DDAH1: variants seen among roughly 807,000 people sequenced by gnomAD.
DDAH1 encodes the protein N(G),N(G)-dimethylarginine dimethylaminohydrolase 1.
A neutral mutation model predicts 28.8 loss-of-function variants in DDAH1; 19 were observed. That is an observed-to-expected ratio of 0.66 (90% confidence interval 0.46 to 0.97). The LOEUF (loss-of-function observed/expected upper bound fraction) is 0.97. Ranked by LOEUF, DDAH1 falls within the 50% of genes least tolerant of loss-of-function variation. DDAH1 has a pLI of 0.00. For synonymous variants in DDAH1, 153 were observed against 154.4 expected (o/e 0.99, Z 0.07); for missense variants, 326 against 375.9 (o/e 0.87, Z 1.10).
intron 1 of DDAH1, among the ~76,000 whole-genome samples, chr1:85,496,890 C>T (rs191426476): frequency 5.3e-5 from 8 of 152,266 alleles, no homozygotes; most frequent in Admixed American, 4.6e-4. Context: ...TCATTCAGCA[C>T]GAACACTAAT....
At chr1:85,442,032 C>CT (rs977189983) in intron 1 of DDAH1, among the ~76,000 whole-genome samples, 72 of 146,604 alleles carry the variant, frequency 4.9e-4, no homozygotes, top group Admixed American at 6.8e-4. Flanking sequence ...AAGCCACAAA[C>CT]TTTTTTTTTT....
At chr1:85,501,018 A>G (rs1224812676) in intron 1 of DDAH1, among the ~76,000 whole-genome samples, 1 of 152,168 alleles carries the variant, frequency 6.6e-6, no homozygotes, top group Non-Finnish European at 1.5e-5. Context: ...GAGTTGTTTT[A>G]AAGCCTTTGC....
At position 85,401,067 on chromosome 1, in the gene DDAH1, C is replaced by T. The variant is rs540877012; in HGVS notation, c.304-42220G>A. 2.4e-4 allele frequency among the ~76,000 whole-genome samples: 37 copies of T among 152,244 alleles called. 1 individual carries two copies. In the South Asian group the frequency reaches 6.0e-3, roughly 25 times the overall value. On this transcript the variant is annotated intron_variant, in intron 1 of 5. Transcript: ENST00000284031. ...AGGGTTTCTAAAGCTTTATATAATA[C>T]GAGAACATTGGGCTAAAGAGTGAAC...
intron 1 of DDAH1, among the ~76,000 whole-genome samples, chr1:85,546,263 A>T (rs924374085): frequency 6.6e-6 from 1 of 152,104 alleles, no homozygotes; most frequent in African/African-American, 2.4e-5. Context: ...CTCAGGAGTT[A>T]TCTTGGGAGT....
chr1:85,426,018 T>C (rs1296131485), intron 1 of DDAH1, among the ~76,000 whole-genome samples: 1 of 152,192 alleles, frequency 6.6e-6, no homozygotes, highest in Non-Finnish European at 1.5e-5. Flanking sequence ...ATTACGTTCA[T>C]TACTAACAGG....
intron 1 of DDAH1, among the ~76,000 whole-genome samples, chr1:85,461,101 G>A (rs1181499260): frequency 1.3e-5 from 2 of 152,088 alleles, no homozygotes; most frequent in Non-Finnish European, 2.9e-5. Flanking sequence ...GTGACAGAGT[G>A]AGACCCTGTC....
intron 1 of DDAH1, among the ~76,000 whole-genome samples, chr1:85,518,545 G>T (rs1418860224): frequency 2.0e-5 from 3 of 152,232 alleles, no homozygotes; most frequent in Admixed American, 1.3e-4. Flanking sequence ...ACAGCGACAG[G>T]GTGGTGAATC....
chr1:85,327,353 C>T (rs1647471326), intron 4 of DDAH1, among the ~76,000 whole-genome samples: 1 of 152,164 alleles, frequency 6.6e-6, no homozygotes, highest in Admixed American at 6.5e-5. Context: ...CCATAAAAGA[C>T]TAGACCTACC....
intron 1 of DDAH1, among the ~76,000 whole-genome samples, chr1:85,407,302 C>T (rs1652450636): frequency 6.6e-6 from 1 of 152,198 alleles, no homozygotes; most frequent in Non-Finnish European, 1.5e-5. Flanking sequence ...GAAAAAATCT[C>T]TTAGCAACTG....
At chr1:85,478,360 A>G (rs1398907963) in intron 2 of DDAH1, among the ~76,000 whole-genome samples, 1 of 152,236 alleles carries the variant, frequency 6.6e-6, no homozygotes, top group African/African-American at 2.4e-5. Flanking sequence ...GCTAATGAAG[A>G]TATACCTAAG....
chr1:85,496,227 C>A (rs1430896733), exon 2 of DDAH1: 1 of 985,134 alleles, frequency 1.0e-6, no homozygotes, highest in Non-Finnish European at 1.2e-6. Context: ...TGAAGCATTT[C>A]CTACTGAAAA....
At chr1:85,564,925 AGTG>A (rs1441721389) in intron 1 of DDAH1, among the ~76,000 whole-genome samples, 1 of 151,782 alleles carries the variant, frequency 6.6e-6, no homozygotes, top group Non-Finnish European at 1.5e-5. Flanking sequence ...GGCCAGGCGC[AGTG>A]GCTCACGCCT....
At chr1:85,570,175 G>A (rs1462394603) in intron 1 of DDAH1, among the ~76,000 whole-genome samples, 4 of 152,046 alleles carry the variant, frequency 2.6e-5, no homozygotes, top group Non-Finnish European at 4.4e-5. Context: ...AACCTGAGCC[G>A]CACCATAGCA....
chr1:85,479,236 C>T (rs1466233873), intron 2 of DDAH1, among the ~76,000 whole-genome samples: 3 of 141,388 alleles, frequency 2.1e-5, no homozygotes, highest in South Asian at 4.5e-4. Flanking sequence ...TGCAGTGGCG[C>T]GATCTCGGCT....
At chr1:85,566,002 A>T (rs1659286369) in intron 1 of DDAH1, among the ~76,000 whole-genome samples, 1 of 151,348 alleles carries the variant, frequency 6.6e-6, no homozygotes, top group Non-Finnish European at 1.5e-5. Context: ...AATCACTTGA[A>T]CCCAGTAGGC....
At position 85,320,471 on chromosome 1, in the gene DDAH1, T is replaced by C. The variant is rs1661278561; in HGVS notation, c.*981A>G. 1 of 150,684 alleles carries C rather than the reference T, an allele frequency of 6.6e-6. No individual in the cohort carries two copies. Among genetic ancestry groups the C allele is most frequent in the Admixed American group, 6.6e-5 (1 of 15,052 alleles). 9.3% of individuals were successfully genotyped at this position (150,684 alleles called of 1,614,324 possible). A position where few individuals can be genotyped will look rare whatever the true frequency, so the allele number is the denominator to read the frequency against. On this transcript the variant is annotated 3_prime_UTR_variant, in exon 6 of 6. Transcript: ENST00000284031. ...TAGGATAACTGCAGGGGTAGAAGACTGGAAATACGGTGAGTCAGGGTAGGT... is the reference window on the plus strand; with the variant it reads ...TAGGATAACTGCAGGGGTAGAAGACCGGAAATACGGTGAGTCAGGGTAGGT...
intron 2 of DDAH1, among the ~76,000 whole-genome samples, chr1:85,479,183 T>G (rs951287242): frequency 4.2e-5 from 6 of 141,640 alleles, no homozygotes; most frequent in Admixed American, 7.0e-5. Flanking sequence ...TTTTTTTTTT[T>G]TGAGACGGAG....
intron 1 of DDAH1, among the ~76,000 whole-genome samples, chr1:85,462,612 T>TTCAC (rs1655178116): frequency 6.6e-6 from 1 of 152,186 alleles, no homozygotes; most frequent in South Asian, 2.1e-4. Flanking sequence ...CATTCATTCA[T>TTCAC]TCATCCACTC....
intron 1 of DDAH1, among the ~76,000 whole-genome samples, chr1:85,506,967 AG>A (rs1340090712): frequency 6.6e-6 from 1 of 152,176 alleles, no homozygotes; most frequent in Non-Finnish European, 1.5e-5. Context: ...ACAAAAGAAG[AG>A]GGGGTAGAGG....
Sources: gnomAD v4.1 joint callset for allele counts (sites outside exome capture counted in the v4.1 genomes callset) on GRCh38, gnomAD v4.1.1 for gene constraint, MANE v1.5 for transcripts, NCBI Gene and HGNC (gene_info 2026-07-23, HGNC 2026-07-21) for gene names.